The following SERGEF variants were observed in gnomAD, a reference collection of about 807,000 sequenced individuals.
SERGEF encodes secretion regulating guanine nucleotide exchange factor.
In SERGEF, 51 loss-of-function variants were observed where a neutral mutation model predicts 50.0. That is an observed-to-expected ratio of 1.02 (90% CI 0.81 to 1.29). The LOEUF (loss-of-function observed/expected upper bound fraction) is 1.29, where lower values mean the gene tolerates loss of function less well. Among genes scored for constraint, SERGEF ranks in the 50% most tolerant of loss-of-function variants. The pLI, the probability that SERGEF is intolerant of heterozygous loss-of-function variation, is 0.00. For synonymous variants in SERGEF, 205 were observed against 212.4 expected, an observed-to-expected ratio of 0.97 and a Z score of 0.30; for missense variants, 521 against 557.0, an observed-to-expected ratio of 0.94 and a Z score of 0.65.
intron 9 of SERGEF, among the ~76,000 whole-genome samples, chr11:17,897,025 G>C (rs955985575): frequency 6.6e-6 from 1 of 152,186 alleles, no homozygotes; most frequent in African/African-American, 2.4e-5. Context: ...ACTGTCTCCA[G>C]GTGGGCCTAA....
chr11:17,843,565 C>A (rs1850546739), intron 10 of SERGEF, among the ~76,000 whole-genome samples: 2 of 152,194 alleles, frequency 1.3e-5, no homozygotes, highest in African/African-American at 4.8e-5. Flanking sequence ...TGTGGTCTTT[C>A]CACTTACTGT....
At chr11:17,957,859 C>A (rs1281107616) in intron 9 of SERGEF, among the ~76,000 whole-genome samples, 1 of 151,362 alleles carries the variant, frequency 6.6e-6, no homozygotes, top group Non-Finnish European at 1.5e-5. Flanking sequence ...ATTTTAAAGA[C>A]CAAGAGGGAA....
At chr11:17,917,011 T>C (rs1267360197) in intron 9 of SERGEF, among the ~76,000 whole-genome samples, 1 of 152,214 alleles carries the variant, frequency 6.6e-6, no homozygotes, top group Non-Finnish European at 1.5e-5. Flanking sequence ...AGTGTGGAGA[T>C]TCCTTAAAGA....
chr11:17,810,054 C>T (rs1240050801), intron 10 of SERGEF, among the ~76,000 whole-genome samples: 1 of 152,022 alleles, frequency 6.6e-6, no homozygotes, highest in African/African-American at 2.4e-5. Flanking sequence ...TTTCTTTGAC[C>T]CTAGTGTATT....
intron 9 of SERGEF, among the ~76,000 whole-genome samples, chr11:17,907,434 C>G (rs1354626793): frequency 6.6e-6 from 1 of 152,196 alleles, no homozygotes; most frequent in Non-Finnish European, 1.5e-5. Context: ...TGAATGTCAC[C>G]AATTGCATTT....
At chr11:17,979,082 T>C (rs534116053) in intron 8 of SERGEF, among the ~76,000 whole-genome samples, 1 of 152,344 alleles carries the variant, frequency 6.6e-6, no homozygotes, top group Admixed American at 6.5e-5. Flanking sequence ...ATGACCTCCC[T>C]TCTCAAAGAC....
intron 10 of SERGEF, among the ~76,000 whole-genome samples, chr11:17,793,012 TG>T (rs1181026646): frequency 1.3e-5 from 2 of 152,230 alleles, no homozygotes; most frequent in African/African-American, 4.8e-5. Flanking sequence ...CTATGGCCTA[TG>T]GACTACGCTA....
At chr11:17,979,017 T>C (rs1239540742) in intron 8 of SERGEF, among the ~76,000 whole-genome samples, 4 of 152,156 alleles carry the variant, frequency 2.6e-5, no homozygotes, top group Admixed American at 1.3e-4. Context: ...AAAATCCAAA[T>C]ATAATGATAA....
intron 1 of SERGEF, chr11:18,012,545 T>C (rs1306541284): frequency 2.6e-6 from 3 of 1,140,654 alleles, no homozygotes; most frequent in African/African-American, 3.4e-5. Flanking sequence ...GTCTCCCTCC[T>C]CCAGGCATCA....
chr11:18,011,342 T>TA (rs1488653584), intron 1 of SERGEF, among the ~76,000 whole-genome samples: 4 of 152,100 alleles, frequency 2.6e-5, no homozygotes, highest in Non-Finnish European at 5.9e-5. Flanking sequence ...CTGGTGTCCT[T>TA]AAAAGAAGAG....
chr11:17,952,339 G>A (rs1852788279), intron 9 of SERGEF, among the ~76,000 whole-genome samples: 2 of 152,172 alleles, frequency 1.3e-5, no homozygotes, highest in Non-Finnish European at 2.9e-5. Context: ...GAGGTACACA[G>A]TTCAATGAAA....
chr11:17,962,257 C>T (rs1179122272), intron 8 of SERGEF, among the ~76,000 whole-genome samples: 2 of 152,086 alleles, frequency 1.3e-5, no homozygotes, highest in Non-Finnish European at 2.9e-5. Context: ...TAATCTTCTT[C>T]CCAGGAGCCC....
intron 10 of SERGEF, among the ~76,000 whole-genome samples, chr11:17,809,667 A>G (rs147223983): frequency 3.5e-4 from 54 of 152,310 alleles, no homozygotes; most frequent in African/African-American, 1.2e-3. Flanking sequence ...GGGACGCAGA[A>G]GAGGGCAGGA....
intron 8 of SERGEF, among the ~76,000 whole-genome samples, chr11:17,966,891 G>A (rs1853136611): frequency 6.6e-6 from 1 of 152,092 alleles, no homozygotes; most frequent in South Asian, 2.1e-4. Flanking sequence ...ACTGCTTTAG[G>A]CACTATCATT....
At chr11:17,969,152 C>T (rs1044808298) in intron 8 of SERGEF, among the ~76,000 whole-genome samples, 4 of 152,182 alleles carry the variant, frequency 2.6e-5, no homozygotes, top group South Asian at 2.1e-4. Context: ...GGCTGGACCA[C>T]GAGTCCCTGC....
intron 10 of SERGEF, chr11:17,856,336 C>T (rs1246089179): frequency 1.3e-5 from 2 of 152,346 alleles, no homozygotes; most frequent in African/African-American, 4.8e-5. Context: ...TTCCCAATTA[C>T]ACATTACTTT....
intron 10 of SERGEF, among the ~76,000 whole-genome samples, chr11:17,843,803 G>C (rs1347927010): frequency 6.6e-6 from 1 of 152,108 alleles, no homozygotes; most frequent in Admixed American, 6.5e-5. Flanking sequence ...CTAGTGAGAG[G>C]AGCACTCTAG....
At chr11:17,918,496 C>T (rs1852088948) in intron 9 of SERGEF, among the ~76,000 whole-genome samples, 1 of 152,128 alleles carries the variant, frequency 6.6e-6, no homozygotes, top group South Asian at 2.1e-4. Flanking sequence ...GCCTGGGAAA[C>T]ATCCATTCAT....
intron 10 of SERGEF, among the ~76,000 whole-genome samples, chr11:17,803,928 A>G (rs1849713983): frequency 6.6e-6 from 1 of 152,210 alleles, no homozygotes; most frequent in African/African-American, 2.4e-5. Flanking sequence ...AAGCATTGCT[A>G]TGGAAACCAT....
Sources: allele counts gnomAD v4.1 joint callset (sites outside exome capture counted in the v4.1 genomes callset), GRCh38; gene constraint gnomAD v4.1.1; transcripts MANE v1.5; gene names NCBI Gene and HGNC (gene_info 2026-07-23, HGNC 2026-07-21).